TMEM184C: variants seen among roughly 807,000 people sequenced by gnomAD.
TMEM184C encodes transmembrane protein 184C.
In TMEM184C, 25 loss-of-function variants were observed where a neutral mutation model predicts 54.5. The ratio of observed to expected loss-of-function variants is 0.46; its 90% CI spans 0.33 to 0.64. The LOEUF is 0.64. Among genes scored for constraint, TMEM184C ranks in the 30% least tolerant of loss-of-function variants. TMEM184C has a pLI of 0.02. For missense variants in TMEM184C, 335 were observed against 520.3 expected, an observed-to-expected ratio of 0.64 and a Z score of 3.46; for synonymous variants, 148 against 181.5, an observed-to-expected ratio of 0.82 and a Z score of 1.49.
intron 1 of TMEM184C, 39 bp downstream of exon 1, chr4:147,618,118 C>G: frequency 6.2e-7 from 1 of 1,612,190 alleles, no homozygotes; most frequent in East Asian, 2.2e-5. Flanking sequence ...ACACTTTCTT[C>G]TACCCATCTA....
At chr4:147,626,138 G>A (rs1560952763) in intron 4 of TMEM184C, among the ~76,000 whole-genome samples, 1 of 152,184 alleles carries the variant, frequency 6.6e-6, no homozygotes, top group Non-Finnish European at 1.5e-5. Context: ...GATCTTAGGA[G>A]CAGTTTAGGG....
At chr4:147,619,544 T>C (rs892724152) in intron 1 of TMEM184C, among the ~76,000 whole-genome samples, 3 of 152,172 alleles carry the variant, frequency 2.0e-5, no homozygotes, top group African/African-American at 4.8e-5. Flanking sequence ...ATTCAATATT[T>C]CCCATTTGTT....
chr4:147,633,031 G>C (rs766855621), intron 8 of TMEM184C, 29 bp downstream of exon 8: 5 of 1,578,670 alleles, frequency 3.2e-6, no homozygotes, highest in African/African-American at 2.7e-5. Context: ...GAATTCAATA[G>C]AACTTTACTA....
chr4:147,622,303 T>G (rs964790273), intron 1 of TMEM184C, among the ~76,000 whole-genome samples: 81 of 152,306 alleles, frequency 5.3e-4, no homozygotes, highest in African/African-American at 1.8e-3. Context: ...ATTATTTTCT[T>G]AGATCATCAC....
chr4:147,618,475 C>A (rs1732641713), intron 1 of TMEM184C, among the ~76,000 whole-genome samples: 1 of 152,130 alleles, frequency 6.6e-6, no homozygotes, highest in Non-Finnish European at 1.5e-5. Flanking sequence ...TGAATCAAAG[C>A]GTTCTAGTTG....
At chr4:147,631,070 A>C (rs1732908215) in intron 6 of TMEM184C, among the ~76,000 whole-genome samples, 1 of 152,150 alleles carries the variant, frequency 6.6e-6, no homozygotes, top group Non-Finnish European at 1.5e-5. Flanking sequence ...TCAGAAATTT[A>C]TGTTTAAAAG....
In TMEM184C at chr4:147,624,913, C is replaced by T. The variant is rs1732785094; in HGVS notation, c.401C>T (p.Thr134Ile). 1 of 1,613,900 alleles carries T rather than the reference C, an allele frequency of 6.2e-7. No homozygotes were observed. ...NFMGFLTNYL[T>I]NRYPNLVLIL... Reference sequence around the variant, plus strand: ...ATGGGATTCCTTACCAATTATCTAACTAACCGGTATCCAAATCTGGTATTA... The same window carrying T: ...ATGGGATTCCTTACCAATTATCTAATTAACCGGTATCCAAATCTGGTATTA... Residue 134 changes from threonine to isoleucine, a missense_variant, in exon 4 of 10, where the codon ACT becomes ATT. By Grantham distance (89) the Thr-to-Ile change is moderately conservative. Coordinates refer to ENST00000296582, the MANE Select transcript of TMEM184C (RefSeq NM_018241.3).
intron 5 of TMEM184C, among the ~76,000 whole-genome samples, chr4:147,628,712 C>T (rs982769827): frequency 1.3e-5 from 2 of 152,112 alleles, no homozygotes; most frequent in African/African-American, 4.8e-5. Context: ...TTTTCAGATA[C>T]ATAGCTTGAC....
At chr4:147,628,747 A>T (rs2654938) in intron 5 of TMEM184C, among the ~76,000 whole-genome samples, 1 of 152,006 alleles carries the variant, frequency 6.6e-6, no homozygotes, top group Admixed American at 6.6e-5. Context: ...ATGAAGTTAA[A>T]GTATGCTACT....
At position 147,617,807 on chromosome 4, in the gene TMEM184C, C is replaced by G. The variant is rs918482632; in HGVS notation, c.-150C>G. 1 of 1,065,834 alleles carries G rather than the reference C, an allele frequency of 9.4e-7. No individual in the cohort carries two copies. 66.0% of individuals were successfully genotyped at this position (1,065,834 alleles called of 1,614,324 possible). On this transcript the variant is annotated 5_prime_UTR_variant, in exon 1 of 10. Coordinates refer to ENST00000296582, the MANE Select transcript of TMEM184C (RefSeq NM_018241.3). ...CAGCAGCAGAAGACACAGCGCCGGTCCAGGAGGCGGCTCGAGCTGTTCGTA... is the reference window on the plus strand; with the variant it reads ...CAGCAGCAGAAGACACAGCGCCGGTGCAGGAGGCGGCTCGAGCTGTTCGTA...
chr4:147,632,955 CA>C lies in TMEM184C; in HGVS notation c.833del (p.His278LeufsTer8), dbSNP rs1324298755. 6.2e-7 allele frequency: 1 copy of C among 1,614,028 alleles called. No individual in the cohort carries two copies. Among genetic ancestry groups the C allele is most frequent in the Admixed American group, 1.7e-5 (1 of 60,014 alleles). Reference protein sequence around the residue: ...LVKVGVISEKHTWEWQTVEAV... With the variant: ...LVKVGVISEKXTWEWQTVEAV... Reference sequence around the variant, plus strand: ...AAAAGTTGGCGTTATTTCTGAAAAGCATACGTGGGAATGGCAAACTGTAGAA... The same window carrying C: ...AAAAGTTGGCGTTATTTCTGAAAAGCTACGTGGGAATGGCAAACTGTAGAA... On this transcript the variant is annotated frameshift_variant, in exon 8 of 10. Transcript: ENST00000296582. LOFTEE classifies it high-confidence loss of function.
rs1732629760 is a variant in TMEM184C, at chr4:147,617,972, A to G, written c.16A>G (p.Thr6Ala). 1.9e-6 allele frequency: 3 copies of G among 1,614,018 alleles called. No individual in the cohort carries two copies. Among genetic ancestry groups the G allele is most frequent in the South Asian group, 1.1e-5 (1 of 91,092 alleles). Residue 6 changes from threonine (T) to alanine (A), a missense_variant, in exon 1 of 10, where the codon ACC becomes GCC. Thr to Ala is a moderately conservative substitution (Grantham distance 58, BLOSUM62 0). Coordinates refer to ENST00000296582, the MANE Select transcript of TMEM184C (RefSeq NM_018241.3). ...GTGCGAAAACATGCCTTGCACTTGT[A>G]CCTGGAGGAACTGGAGACAGTGGAT... is the stretch of plus-strand genomic sequence containing the variant. MPCTC[T>A]WRNWRQWIRP... is the part of the protein sequence containing the mutation.
chr4:147,633,930 C>A lies in TMEM184C; in HGVS notation c.1045C>A (p.His349Asn). The change falls in exon 9 of 10, where the codon CAT becomes AAT. Residue 349 changes from histidine to asparagine, a missense_variant. Transcript: ENST00000296582. ...AGATGATATTTCTGAACAAGTAAGGCATGTTGGTAAGTACCAGCTATTTAA... is the reference window on the plus strand; with the variant it reads ...AGATGATATTTCTGAACAAGTAAGGAATGTTGGTAAGTACCAGCTATTTAA... The part of the protein sequence containing the change: ...IRDDISEQVR[H>N]VGRTVRGHPR... 6.2e-7 allele frequency: 1 copy of A among 1,611,718 alleles called. No individual in the cohort carries two copies. The highest frequency in any genetic ancestry group is 8.5e-7 in the Non-Finnish European group (1 of 1,179,034).
At position 147,635,391 on chromosome 4, in the gene TMEM184C, T is replaced by C. The variant is rs558489523; in HGVS notation, c.*957T>C. On this transcript the variant is annotated 3_prime_UTR_variant, in exon 10 of 10. Coordinates refer to ENST00000296582, the MANE Select transcript of TMEM184C (RefSeq NM_018241.3). ...AATGTAAATCTTGGCTGAATGGTCT[T>C]AATTACTCATTAAACCACAGTCAGA... The C allele has an allele frequency of 6.6e-6, 1 of 152,338 alleles. No individual in the cohort carries two copies. The highest frequency in any genetic ancestry group is 2.4e-5 in the African/African-American group (1 of 41,586). 9.4% of individuals were successfully genotyped at this position (152,338 alleles called of 1,614,324 possible). A position where few individuals can be genotyped will look rare whatever the true frequency, so the allele number is the denominator to read the frequency against.
At chr4:147,633,102 T>A in intron 8 of TMEM184C, 100 bp downstream of exon 8, 1 of 952,060 alleles carries the variant, frequency 1.1e-6, no homozygotes, top group Non-Finnish European at 1.6e-6. Context: ...ATGGGGCTAT[T>A]ATCCTCACTT....
At chr4:147,618,709 C>A (rs1001093606) in intron 1 of TMEM184C, among the ~76,000 whole-genome samples, 1 of 152,210 alleles carries the variant, frequency 6.6e-6, no homozygotes. Context: ...TACAGAGGAA[C>A]ACCTATTACA....
At chr4:147,630,073 G>A (rs1369703378) in intron 6 of TMEM184C, among the ~76,000 whole-genome samples, 2 of 151,440 alleles carry the variant, frequency 1.3e-5, no homozygotes, top group Admixed American at 1.3e-4. Flanking sequence ...TATCAAATTG[G>A]TATTTGATGG....
intron 4 of TMEM184C, among the ~76,000 whole-genome samples, chr4:147,627,067 C>T (rs1457920674): frequency 3.9e-5 from 6 of 152,084 alleles, no homozygotes; most frequent in Non-Finnish European, 7.4e-5. Flanking sequence ...GGAATTTGAT[C>T]GGATGTCAAA....
chr4:147,625,182 G>A (rs971471442), intron 4 of TMEM184C, among the ~76,000 whole-genome samples, 173 bp downstream of exon 4: 22 of 152,190 alleles, frequency 1.4e-4, no homozygotes, highest in African/African-American at 5.3e-4. Flanking sequence ...AAACAGTTTT[G>A]TAATCCCACA....
Sources: allele counts gnomAD v4.1 joint callset (sites outside exome capture counted in the v4.1 genomes callset), GRCh38; gene constraint gnomAD v4.1.1; transcripts MANE v1.5; gene names NCBI Gene and HGNC (gene_info 2026-07-23, HGNC 2026-07-21).